Variants in ACSL5 observed in about 807,000 individuals in gnomAD.
ACSL5 encodes the protein acyl-CoA synthetase long chain family member 5.
A neutral mutation model predicts 84.9 loss-of-function variants in ACSL5; 50 were observed. The ratio of observed to expected loss-of-function variants is 0.59; its 90% CI spans 0.47 to 0.75. The LOEUF (loss-of-function observed/expected upper bound fraction) is 0.75, where lower values mean the gene tolerates loss of function less well. Among genes scored for constraint, ACSL5 ranks in the 30% least tolerant of loss-of-function variants. The probability of loss-of-function intolerance (pLI) is 0.00; values close to 1 mark genes in which losing one functional copy is unlikely to be tolerated. For synonymous variants in ACSL5, 280 were observed against 300.7 expected, an observed-to-expected ratio of 0.93 and a Z score of 0.71; for missense variants, 775 against 830.4, an observed-to-expected ratio of 0.93 and a Z score of 0.82.
Position 112,417,893 on chromosome 10 carries a change from C to T in ACSL5, c.1266C>T (p.Pro422=), listed in dbSNP as rs1277956689. ...RVRVIVTGAA[P]MSTSVMTFFR... Reference sequence around the variant, plus strand: ...GTGTAATTGTCACTGGAGCTGCCCCCATGTCCACTTCAGTCATGACATTCT... The same window carrying T: ...GTGTAATTGTCACTGGAGCTGCCCCTATGTCCACTTCAGTCATGACATTCT... The change falls in exon 14 of 21, where the codon CCC becomes CCT. Residue 422 remains proline (P), a synonymous_variant. Transcript: ENST00000354655. 4 of 1,613,920 alleles carry T rather than the reference C, an allele frequency of 2.5e-6. No homozygotes were observed. The highest frequency in any genetic ancestry group is 3.4e-6 in the Non-Finnish European group (4 of 1,179,908).
At position 112,409,603 on chromosome 10, in the gene ACSL5, T is replaced by A; in HGVS notation, c.629T>A (p.Ile210Asn). ...KGFTPSLKVI[I>N]LMDPFDDDLK... is the part of the protein sequence containing the mutation. ...TTCACCCCGAGCCTGAAGGTGATCA[T>A]CCTTATGGACCCCTTTGATGATGAC... The change falls in exon 7 of 21, where the codon ATC becomes AAC. Residue 210 changes from isoleucine (I) to asparagine (N), a missense_variant. Ile to Asn is a moderately radical substitution (Grantham distance 149, BLOSUM62 -3). Coordinates refer to ENST00000354655, the MANE Select transcript of ACSL5 (RefSeq NM_203379.2). 6.2e-7 allele frequency: 1 copy of A among 1,614,138 alleles called. No individual in the cohort carries two copies. Among genetic ancestry groups the A allele is most frequent in the Non-Finnish European group, 8.5e-7 (1 of 1,180,014 alleles).
At chr10:112,387,958 AGACAGAGTCTTGCTCT>A (rs1849486572) in intron 1 of ACSL5, among the ~76,000 whole-genome samples, 1 of 56,798 alleles carries the variant, frequency 1.8e-5, no homozygotes, top group Non-Finnish European at 3.6e-5. Flanking sequence ...TTTTTTTTGG[AGACAGAGTCTTGCTCT>A]GTCACCCAGG....
intron 3 of ACSL5, among the ~76,000 whole-genome samples, chr10:112,399,573 A>G (rs1428305293): frequency 6.6e-6 from 1 of 152,190 alleles, no homozygotes; most frequent in Non-Finnish European, 1.5e-5. Context: ...GAATACATCA[A>G]GCCTTAATAT....
At position 112,409,577 on chromosome 10, in the gene ACSL5, C is replaced by A; in HGVS notation, c.603C>A (p.Gly201=). 1 of 1,614,110 alleles carries A rather than the reference C, an allele frequency of 6.2e-7. No individual in the cohort carries two copies. Among genetic ancestry groups the A allele is most frequent in the Non-Finnish European group, 8.5e-7 (1 of 1,180,010 alleles). The change falls in exon 7 of 21, where the codon GGC becomes GGA. Residue 201 remains glycine (G), a synonymous_variant. Coordinates refer to ENST00000354655, the MANE Select transcript of ACSL5 (RefSeq NM_203379.2). ...ALVLIGNVEK[G]FTPSLKVIIL... ...TGCTGATAGGGAATGTAGAGAAAGGCTTCACCCCGAGCCTGAAGGTGATCA... is the reference window on the plus strand; with the variant it reads ...TGCTGATAGGGAATGTAGAGAAAGGATTCACCCCGAGCCTGAAGGTGATCA...
Position 112,425,318 on chromosome 10 carries a change from CT to C in ACSL5, c.1594-16del, listed in dbSNP as rs776679300. On this transcript the variant is annotated intron_variant, in intron 17 of 20. Transcript: ENST00000354655. ...TCTCTGTGGCTCAAAAATACTGATA[CT>C]TTTATCTGTCTCATGTAGAATGGAA... The C allele has an allele frequency of 1.9e-6, 3 of 1,589,388 alleles. No individual in the cohort carries two copies. The highest frequency in any genetic ancestry group is 3.5e-5 in the Admixed American group (2 of 56,380).
At chr10:112,390,607 T>C (rs893235327) in intron 1 of ACSL5, among the ~76,000 whole-genome samples, 11 of 152,060 alleles carry the variant, frequency 7.2e-5, no homozygotes, top group Non-Finnish European at 1.3e-4. Flanking sequence ...TTGTTCACAA[T>C]ATCAAAAGTA....
chr10:112,385,625 G>T (rs1188512029), intron 1 of ACSL5, among the ~76,000 whole-genome samples: 1 of 152,136 alleles, frequency 6.6e-6, no homozygotes, highest in Non-Finnish European at 1.5e-5. Flanking sequence ...TGCTTGTTTT[G>T]CTGTGAACTT....
intron 5 of ACSL5, among the ~76,000 whole-genome samples, chr10:112,407,213 A>T (rs1410849556): frequency 4.0e-5 from 6 of 151,728 alleles, no homozygotes; most frequent in African/African-American, 1.5e-4. Flanking sequence ...TTGAGATTTT[A>T]TTTTATTTAT....
At chr10:112,406,851 C>T in intron 5 of ACSL5, among the ~76,000 whole-genome samples, 1 of 152,242 alleles carries the variant, frequency 6.6e-6, no homozygotes, top group Admixed American at 6.5e-5. Context: ...GAAATCAGAT[C>T]ACATGAGAAC....
chr10:112,379,392 T>G (rs1849304182), intron 1 of ACSL5, among the ~76,000 whole-genome samples: 3 of 126,796 alleles, frequency 2.4e-5, no homozygotes, highest in Admixed American at 1.8e-4. Flanking sequence ...GTGACAAGAG[T>G]GAAACTCCAT....
At chr10:112,409,986 C>A in intron 7 of ACSL5, 1 of 198,954 alleles carries the variant, frequency 5.0e-6, no homozygotes, top group Non-Finnish European at 9.0e-6. Flanking sequence ...GGTTCGCATG[C>A]CAGCTCCACA....
chr10:112,374,591 T>A (rs1342994039), intron 1 of ACSL5, among the ~76,000 whole-genome samples: 1 of 152,088 alleles, frequency 6.6e-6, no homozygotes, highest in Non-Finnish European at 1.5e-5. Flanking sequence ...ATTAAGAAAT[T>A]TCTGTCTCAG....
At chr10:112,391,901 C>T (rs570857557) in intron 1 of ACSL5, among the ~76,000 whole-genome samples, 1 of 152,260 alleles carries the variant, frequency 6.6e-6, no homozygotes, top group East Asian at 1.9e-4. Flanking sequence ...GATTCTCTGT[C>T]CCTTTTCTCC....
chr10:112,413,272 G>T lies in ACSL5; in HGVS notation c.1048G>T (p.Ala350Ser). The T allele has an allele frequency of 6.2e-7, 1 of 1,614,154 alleles. No homozygotes were observed. The stretch of plus-strand genomic sequence containing the variant: ...GACTTTGAAGCCCACATTGTTTCCC[G>T]CGGTGCCTCGACTCCTTAACAGGAT... The part of the protein sequence containing the change: ...MKTLKPTLFP[A>S]VPRLLNRIYD... Residue 350 changes from alanine to serine, a missense_variant, in exon 12 of 21, where the codon GCG becomes TCG. By Grantham distance (99) the Ala-to-Ser change is moderately conservative. Coordinates refer to ENST00000354655, the MANE Select transcript of ACSL5 (RefSeq NM_203379.2).
At position 112,417,900 on chromosome 10, in the gene ACSL5, A is replaced by G. The variant is rs899824875; in HGVS notation, c.1273A>G (p.Thr425Ala). ...VIVTGAAPMSTSVMTFFRAAM... is the reference protein window; with the variant it reads ...VIVTGAAPMSASVMTFFRAAM... ...TGTCACTGGAGCTGCCCCCATGTCCACTTCAGTCATGACATTCTTCCGGGC... is the reference window on the plus strand; with the variant it reads ...TGTCACTGGAGCTGCCCCCATGTCCGCTTCAGTCATGACATTCTTCCGGGC... Residue 425 changes from threonine to alanine, a missense_variant, in exon 14 of 21, where the codon ACT becomes GCT. By Grantham distance (58) the Thr-to-Ala change is moderately conservative. Transcript: ENST00000354655. The G allele has an allele frequency of 6.2e-7, 1 of 1,613,626 alleles. No individual in the cohort carries two copies. Among genetic ancestry groups the G allele is most frequent in the Non-Finnish European group, 8.5e-7 (1 of 1,179,796 alleles).
At chr10:112,408,393 A>G in intron 5 of ACSL5, 29 bp from the exon 6 acceptor site, 1 of 1,416,500 alleles carries the variant, frequency 7.1e-7, no homozygotes, top group Non-Finnish European at 1.0e-6. Context: ...TGTGCCCTCC[A>G]GTCCTTACTT....
At chr10:112,376,308 G>T in intron 1 of ACSL5, 1 of 1,614,150 alleles carries the variant, frequency 6.2e-7, no homozygotes. Context: ...CCTTCTGCCT[G>T]CATGGACGCT....
chr10:112,423,963 C>CAA (rs1056775558), intron 17 of ACSL5, among the ~76,000 whole-genome samples: 1 of 152,046 alleles, frequency 6.6e-6, no homozygotes, highest in African/African-American at 2.4e-5. Flanking sequence ...CTGTGTCTAC[C>CAA]AAAACAAAAC....
intron 3 of ACSL5, among the ~76,000 whole-genome samples, chr10:112,399,738 C>G (rs552187474): frequency 2.0e-5 from 3 of 152,330 alleles, no homozygotes; most frequent in East Asian, 3.9e-4. Flanking sequence ...TTAACTAAGA[C>G]TAAGAGCATA....
Sources: allele counts gnomAD v4.1 joint callset (sites outside exome capture counted in the v4.1 genomes callset), GRCh38; gene constraint gnomAD v4.1.1; transcripts MANE v1.5; gene names NCBI Gene and HGNC (gene_info 2026-07-23, HGNC 2026-07-21).